The following LRRIQ1 variants were observed in gnomAD, a reference collection of about 807,000 sequenced individuals.
The protein encoded by LRRIQ1 is leucine-rich repeat- and IQ domain-containing protein 1.
In LRRIQ1, 210 loss-of-function variants were observed where a neutral mutation model predicts 211.9. The ratio of observed to expected loss-of-function variants is 0.99; its 90% confidence interval spans 0.89 to 1.11. LRRIQ1 has a LOEUF of 1.11. LRRIQ1 is among the 50% of genes most tolerant of loss of function. The pLI is 0.00. For missense variants in LRRIQ1, 2,136 were observed against 1,939.5 expected, an observed-to-expected ratio of 1.10 and a Z score of -1.90; for synonymous variants, 699 against 650.1, an observed-to-expected ratio of 1.08 and a Z score of -1.14.
intron 24 of LRRIQ1, among the ~76,000 whole-genome samples, chr12:85,185,582 A>G (rs964457496): frequency 6.6e-6 from 1 of 151,886 alleles, no homozygotes; most frequent in Non-Finnish European, 1.5e-5. Flanking sequence ...TTAAACATTT[A>G]TTATTAAATT....
At chr12:85,182,532 A>C (rs1402025195) in intron 24 of LRRIQ1, among the ~76,000 whole-genome samples, 1 of 152,164 alleles carries the variant, frequency 6.6e-6, no homozygotes, top group Non-Finnish European at 1.5e-5. Flanking sequence ...AAAGTGTGAG[A>C]TCCCTATCTT....
chr12:85,117,587 C>T (rs1000326460), intron 15 of LRRIQ1, among the ~76,000 whole-genome samples: 1 of 152,072 alleles, frequency 6.6e-6, no homozygotes, highest in African/African-American at 2.4e-5. Flanking sequence ...AGGTGTCAGA[C>T]AAAAATCTGC....
At chr12:85,085,097 T>C (rs959898603) in intron 11 of LRRIQ1, among the ~76,000 whole-genome samples, 4 of 152,118 alleles carry the variant, frequency 2.6e-5, no homozygotes, top group African/African-American at 9.7e-5. Flanking sequence ...AGACATAGTA[T>C]TTGTTTTTTT....
chr12:85,208,336 C>A (rs1370252008), intron 24 of LRRIQ1, among the ~76,000 whole-genome samples: 1 of 151,990 alleles, frequency 6.6e-6, no homozygotes, highest in Admixed American at 6.6e-5. Flanking sequence ...CCTCCAGGTA[C>A]CTGCCAAAAA....
At chr12:85,123,640 G>A (rs937338790) in intron 16 of LRRIQ1, among the ~76,000 whole-genome samples, 2 of 152,092 alleles carry the variant, frequency 1.3e-5, no homozygotes, top group Non-Finnish European at 2.9e-5. Context: ...TTCCCATAAT[G>A]TAAGTTCTTT....
At chr12:85,212,886 A>G (rs1012313760) in intron 24 of LRRIQ1, among the ~76,000 whole-genome samples, 7 of 151,206 alleles carry the variant, frequency 4.6e-5, no homozygotes, top group African/African-American at 1.7e-4. Flanking sequence ...CCACACTACT[A>G]GAAAGAAACC....
intron 16 of LRRIQ1, 114 bp from the exon 17 acceptor site, chr12:85,123,956 T>C: frequency 1.5e-6 from 1 of 666,086 alleles, no homozygotes; most frequent in Middle Eastern, 4.1e-4. Flanking sequence ...ATGAATGTTG[T>C]ACTGAAGTTT....
chr12:85,133,107 G>A (rs1225188303), intron 18 of LRRIQ1, among the ~76,000 whole-genome samples: 1 of 151,972 alleles, frequency 6.6e-6, no homozygotes, highest in Admixed American at 6.6e-5. Flanking sequence ...GAAATTGGGG[G>A]AAATATATTT....
At position 85,066,793 on chromosome 12, in the gene LRRIQ1, T is replaced by C. The variant is rs916157455; in HGVS notation, c.2590T>C (p.Cys864Arg). ...TGAGTGTGAAAATTTGGAAAATCTCTGTGTTGTTCTTCTTAATAAAAATCA... is the reference window on the plus strand; with the variant it reads ...TGAGTGTGAAAATTTGGAAAATCTCCGTGTTGTTCTTCTTAATAAAAATCA... ...AIECENLENL[C>R]VVLLNKNQLT... is the part of the protein sequence containing the mutation. The change falls in exon 10 of 27, where the codon TGT (cysteine) becomes CGT (arginine). Residue 864 changes from cysteine (C) to arginine (R), a missense_variant. Coordinates refer to ENST00000393217, the MANE Select transcript of LRRIQ1 (RefSeq NM_001079910.2). 1 of 1,600,074 alleles carries C rather than the reference T, an allele frequency of 6.2e-7. No homozygotes were observed. Among genetic ancestry groups the C allele is most frequent in the East Asian group, 2.3e-5 (1 of 44,016 alleles).
chr12:85,185,980 G>A (rs1362219425), intron 24 of LRRIQ1, among the ~76,000 whole-genome samples: 1 of 151,880 alleles, frequency 6.6e-6, no homozygotes, highest in Non-Finnish European at 1.5e-5. Flanking sequence ...ATTGTTTTAA[G>A]TATAATGTAC....
At position 85,056,739 on chromosome 12, in the gene LRRIQ1, A is replaced by G. The variant is rs751246558; in HGVS notation, c.1946A>G (p.Asn649Ser). Residue 649 changes from asparagine (N) to serine (S), a missense_variant, in exon 8 of 27, where the codon AAT becomes AGT. Physicochemically the swap from Asn to Ser is conservative, Grantham distance 46 (BLOSUM62 1). Coordinates refer to ENST00000393217, the MANE Select transcript of LRRIQ1 (RefSeq NM_001079910.2). ...GAAATTGAGGAGAACCCAAAAGACA[A>G]TGCTTGGAATAGTGGCATTGTGATT... ...SKEIEENPKD[N>S]AWNSGIVIFN... 8.1e-6 allele frequency: 13 copies of G among 1,604,698 alleles called. No homozygotes were observed. The Admixed American group carries it at 1.4e-4, about 17-fold the overall frequency.
chr12:85,053,626 G>A (rs940144926), intron 7 of LRRIQ1, among the ~76,000 whole-genome samples: 1 of 152,168 alleles, frequency 6.6e-6, no homozygotes, highest in Admixed American at 6.5e-5. Flanking sequence ...ATTTCCTGTA[G>A]TATACACTTA....
intron 24 of LRRIQ1, among the ~76,000 whole-genome samples, chr12:85,209,041 G>A (rs1227232889): frequency 6.6e-6 from 1 of 152,058 alleles, no homozygotes; most frequent in South Asian, 2.1e-4. Flanking sequence ...GCAACATAGT[G>A]AAAAAGGGAC....
intron 10 of LRRIQ1, among the ~76,000 whole-genome samples, chr12:85,068,118 A>G (rs1882643281): frequency 6.6e-6 from 1 of 151,948 alleles, no homozygotes; most frequent in Non-Finnish European, 1.5e-5. Context: ...TAGAGGCTTA[A>G]TAATGGTTAA....
At chr12:85,038,860 A>G (rs78202766) in intron 2 of LRRIQ1, among the ~76,000 whole-genome samples, 1 of 151,412 alleles carries the variant, frequency 6.6e-6, no homozygotes. Context: ...GTTATTGTAC[A>G]TATGATCTAT....
At chr12:85,130,545 T>C (rs1311368470) in intron 18 of LRRIQ1, among the ~76,000 whole-genome samples, 1 of 152,188 alleles carries the variant, frequency 6.6e-6, no homozygotes, top group Non-Finnish European at 1.5e-5. Context: ...CTTCTTTGTA[T>C]CAGTAACAAA....
At chr12:85,254,929 A>G (rs1896046131) in intron 1 of LRRIQ1, among the ~76,000 whole-genome samples, 1 of 151,996 alleles carries the variant, frequency 6.6e-6, no homozygotes, top group Non-Finnish European at 1.5e-5. Context: ...AAAGGACATG[A>G]AAGTGTGAAT....
downstream of LRRIQ1, among the ~76,000 whole-genome samples, chr12:85,267,669 C>G (rs944294104): frequency 3.9e-5 from 6 of 151,948 alleles, no homozygotes; most frequent in South Asian, 6.2e-4. Flanking sequence ...TTTGATCCAA[C>G]CATGGATTTT....
intron 24 of LRRIQ1, among the ~76,000 whole-genome samples, chr12:85,210,224 C>T (rs964360101): frequency 3.3e-5 from 5 of 152,130 alleles, no homozygotes; most frequent in African/African-American, 1.2e-4. Flanking sequence ...TCAAAAACCA[C>T]AGTATTCTAT....
Sources: allele counts gnomAD v4.1 joint callset (sites outside exome capture counted in the v4.1 genomes callset), GRCh38; gene constraint gnomAD v4.1.1; transcripts MANE v1.5; gene names NCBI Gene and HGNC (gene_info 2026-07-23, HGNC 2026-07-21).